Variants in CTNNA3 observed in about 807,000 individuals in gnomAD.
The protein encoded by CTNNA3 is catenin alpha 3.
Under a neutral mutation model 95.7 loss-of-function variants are expected in CTNNA3, and 76 were observed. The ratio of observed to expected loss-of-function variants is 0.79; its 90% confidence interval spans 0.66 to 0.96. CTNNA3 has a LOEUF of 0.96. Ranked by LOEUF, CTNNA3 falls within the 40% of genes least tolerant of loss-of-function variation. The probability of loss-of-function intolerance (pLI) is 0.00; values close to 1 mark genes in which losing one functional copy is unlikely to be tolerated. For missense variants in CTNNA3, 1,191 were observed against 1,089.8 expected (o/e 1.09, Z -1.31); for synonymous variants, 431 against 374.4 (o/e 1.15, Z -1.74).
chr10:66,912,975 C>G (rs1387903755), intron 7 of CTNNA3, among the ~76,000 whole-genome samples: 4 of 151,936 alleles, frequency 2.6e-5, no homozygotes, highest in African/African-American at 4.8e-5. Flanking sequence ...CGCGGTGGCT[C>G]ATGCCTGTAA....
chr10:67,134,225 G>A (rs1860180992), intron 7 of CTNNA3, among the ~76,000 whole-genome samples: 1 of 152,090 alleles, frequency 6.6e-6, no homozygotes, highest in South Asian at 2.1e-4. Context: ...GATGGTGGAT[G>A]GGGTGATTCA....
At chr10:67,723,133 C>T (rs565615832) in intron 1 of CTNNA3, among the ~76,000 whole-genome samples, 3 of 151,770 alleles carry the variant, frequency 2.0e-5, no homozygotes, top group South Asian at 2.1e-4. Context: ...ACTACAGACA[C>T]GCGCCACCAC....
At chr10:65,923,469 C>T (rs2077120479) in intron 17 of CTNNA3, among the ~76,000 whole-genome samples, 1 of 152,164 alleles carries the variant, frequency 6.6e-6, no homozygotes, top group Admixed American at 6.6e-5. Context: ...TGTTTCTGAA[C>T]AGATTTTTAA....
intron 12 of CTNNA3, among the ~76,000 whole-genome samples, chr10:66,319,551 A>G (rs2092152926): frequency 6.6e-6 from 1 of 152,144 alleles, no homozygotes; most frequent in Non-Finnish European, 1.5e-5. Context: ...TTTCTAGAAC[A>G]TAGAATATGA....
At chr10:67,056,957 T>G (rs1855470720) in intron 7 of CTNNA3, among the ~76,000 whole-genome samples, 1 of 152,184 alleles carries the variant, frequency 6.6e-6, no homozygotes, top group South Asian at 2.1e-4. Context: ...GGGAACTGAC[T>G]GAGACTGATT....
rs555317296 is a variant in CTNNA3, at chr10:66,473,364, A to G, written c.1531+47253T>C. Reference sequence around the variant, plus strand: ...AGAGGTTCTTCCTGCCTTGCTCCTCATGCTTCTCTCTCCTGCCGACATGTG... The same window carrying G: ...AGAGGTTCTTCCTGCCTTGCTCCTCGTGCTTCTCTCTCCTGCCGACATGTG... On this transcript the variant is annotated intron_variant, in intron 11 of 17. Transcript: ENST00000433211. Among the ~76,000 whole-genome samples the G allele has an allele frequency of 2.9e-3, 439 of 151,772 alleles. 2 individuals carry two copies. Among genetic ancestry groups the G allele is most frequent in the African/African-American group, 9.7e-3 (402 of 41,410 alleles).
At chr10:66,145,899 G>A (rs2083858991) in intron 13 of CTNNA3, among the ~76,000 whole-genome samples, 1 of 152,144 alleles carries the variant, frequency 6.6e-6, no homozygotes, top group Admixed American at 6.6e-5. Flanking sequence ...CTGCTGCCAG[G>A]CTGGAGTGCA....
At position 67,539,689 on chromosome 10, in the gene CTNNA3, A is replaced by G. The variant is rs1050779737; in HGVS notation, c.293-20T>C. On this transcript the variant is annotated intron_variant, in intron 3 of 17. Coordinates refer to ENST00000433211, the MANE Select transcript of CTNNA3 (RefSeq NM_013266.4). ...CTTCACCTGAAAAATACAACCCCATATAAGTTATACTTTAAGTTTCAACTA... is the reference window on the plus strand; with the variant it reads ...CTTCACCTGAAAAATACAACCCCATGTAAGTTATACTTTAAGTTTCAACTA... The G allele has an allele frequency of 1.9e-6, 3 of 1,609,062 alleles. No individual in the cohort carries two copies. Among genetic ancestry groups the G allele is most frequent in the African/African-American group, 1.3e-5 (1 of 74,724 alleles).
intron 1 of CTNNA3, among the ~76,000 whole-genome samples, chr10:67,653,089 C>T (rs7082261): frequency 0.13 from 20,099 of 152,202 alleles, 1,432 homozygotes; most frequent in Non-Finnish European, 0.16. Context: ...CTGGCATCTG[C>T]TCAGCTTCTA....
intron 12 of CTNNA3, among the ~76,000 whole-genome samples, chr10:66,371,125 A>G (rs10997095): frequency 0.35 from 53,511 of 151,744 alleles, 11,016 homozygotes; most frequent in Non-Finnish European, 0.46. Flanking sequence ...ATTCCGTTGG[A>G]TTTAAAACAA....
rs139485774 is a variant in CTNNA3, at chr10:66,887,382, C to T, written c.1048-111858G>A. 8.5e-3 allele frequency among the ~76,000 whole-genome samples: 1,299 copies of T among 152,196 alleles called. 8 individuals are homozygous for T. Among genetic ancestry groups the T allele is most frequent in the Middle Eastern group, 0.024 (7 of 294 alleles). Reference sequence around the variant, plus strand: ...TCAGTTTCAAAATATCACTAGCCTACTAACTCTTTATGCTAAAAGAAAAAG... The same window carrying T: ...TCAGTTTCAAAATATCACTAGCCTATTAACTCTTTATGCTAAAAGAAAAAG... On this transcript the variant is annotated intron_variant, in intron 7 of 17. Transcript: ENST00000433211.
intron 13 of CTNNA3, among the ~76,000 whole-genome samples, chr10:66,219,271 G>A (rs1287368526): frequency 6.6e-6 from 1 of 152,166 alleles, no homozygotes; most frequent in African/African-American, 2.4e-5. Flanking sequence ...TGTTTTCAGT[G>A]TGGGAGGGAT....
At chr10:67,587,193 TTGTGTGTGTGTGTGTGTG>T (rs57140243) in intron 3 of CTNNA3, among the ~76,000 whole-genome samples, 4 of 130,064 alleles carry the variant, frequency 3.1e-5, no homozygotes, top group South Asian at 2.8e-4. Flanking sequence ...CCCAGCTAAC[TTGTGTGTGTGTGTGTGTG>T]TGTGTGTGTG....
At chr10:66,336,335 T>C (rs2092395698) in intron 12 of CTNNA3, among the ~76,000 whole-genome samples, 1 of 152,104 alleles carries the variant, frequency 6.6e-6, no homozygotes, top group Admixed American at 6.5e-5. Context: ...TGCTGGGAGC[T>C]GTAGACTGGA....
chr10:66,383,036 T>C (rs2092855090), intron 11 of CTNNA3, among the ~76,000 whole-genome samples: 1 of 152,150 alleles, frequency 6.6e-6, no homozygotes, highest in African/African-American at 2.4e-5. Flanking sequence ...GCACCTCTTC[T>C]CCTCCAAAGG....
At chr10:67,524,723 T>A (rs1169130704) in intron 4 of CTNNA3, among the ~76,000 whole-genome samples, 1 of 152,198 alleles carries the variant, frequency 6.6e-6, no homozygotes, top group Non-Finnish European at 1.5e-5. Context: ...AGCTGTGGTA[T>A]AGCTCTGGCT....
chr10:67,329,011 T>A (rs1486943350), intron 5 of CTNNA3, among the ~76,000 whole-genome samples: 1 of 152,224 alleles, frequency 6.6e-6, no homozygotes, highest in African/African-American at 2.4e-5. Flanking sequence ...AAGTGATTTT[T>A]CCAGTAATCA....
chr10:67,128,815 T>C (rs781106295), intron 7 of CTNNA3, among the ~76,000 whole-genome samples: 4 of 152,140 alleles, frequency 2.6e-5, no homozygotes, highest in Non-Finnish European at 5.9e-5. Context: ...ATGCCTCAAG[T>C]ATTTAAGACT....
At chr10:67,287,386 A>C (rs1839649555) in intron 5 of CTNNA3, among the ~76,000 whole-genome samples, 1 of 152,148 alleles carries the variant, frequency 6.6e-6, no homozygotes, top group Non-Finnish European at 1.5e-5. Flanking sequence ...TCTTTGTGAT[A>C]GCCAAACCCA....
Sources: gnomAD v4.1 joint callset for allele counts (sites outside exome capture counted in the v4.1 genomes callset) on GRCh38, gnomAD v4.1.1 for gene constraint, MANE v1.5 for transcripts, NCBI Gene and HGNC (gene_info 2026-07-23, HGNC 2026-07-21) for gene names.